The following CNTNAP5 variants were observed in gnomAD, a reference collection of about 807,000 sequenced individuals.
CNTNAP5 encodes contactin associated protein family member 5.
A neutral mutation model predicts 150.2 loss-of-function variants in CNTNAP5; 72 were observed. That is an observed-to-expected ratio of 0.48 (90% CI 0.40 to 0.58). The LOEUF (loss-of-function observed/expected upper bound fraction) is 0.58. CNTNAP5 is among the 20% of genes least tolerant of loss of function. The pLI is 0.00. For synonymous variants in CNTNAP5, 672 were observed against 619.8 expected (o/e 1.08, Z -1.25); for missense variants, 1,636 against 1,626.2 (o/e 1.01, Z -0.10).
At chr2:124,288,533 T>G (rs1054674468) in intron 3 of CNTNAP5, among the ~76,000 whole-genome samples, 1 of 152,202 alleles carries the variant, frequency 6.6e-6, no homozygotes, top group Admixed American at 6.5e-5. Context: ...TATTTTCTCT[T>G]GGTGTCATGG....
At chr2:124,636,839 C>G (rs144001218) in intron 12 of CNTNAP5, among the ~76,000 whole-genome samples, 163 of 151,934 alleles carry the variant, frequency 1.1e-3, no homozygotes, top group South Asian at 2.1e-3. Flanking sequence ...TAATGAGTAG[C>G]CAGATACCCT....
At chr2:124,816,264 C>T (rs1682358873) in intron 19 of CNTNAP5, among the ~76,000 whole-genome samples, 1 of 152,120 alleles carries the variant, frequency 6.6e-6, no homozygotes, top group Admixed American at 6.5e-5. Context: ...GGCTCACAGG[C>T]TACAATCAAG....
At chr2:124,448,588 G>A (rs1692887027) in intron 6 of CNTNAP5, among the ~76,000 whole-genome samples, 1 of 152,098 alleles carries the variant, frequency 6.6e-6, no homozygotes. Flanking sequence ...CTGCTTTATT[G>A]TTTTGTGCAT....
chr2:124,357,858 C>T (rs1482275715), intron 3 of CNTNAP5, among the ~76,000 whole-genome samples: 4 of 149,854 alleles, frequency 2.7e-5, no homozygotes, highest in Non-Finnish European at 5.9e-5. Flanking sequence ...TCATTGGTAG[C>T]TTGATGGGGA....
chr2:124,849,505 T>C (rs1573659142), intron 19 of CNTNAP5, among the ~76,000 whole-genome samples: 1 of 152,200 alleles, frequency 6.6e-6, no homozygotes, highest in East Asian at 1.9e-4. Flanking sequence ...CAAAATTCCT[T>C]TTGCTATTTG....
intron 3 of CNTNAP5, among the ~76,000 whole-genome samples, chr2:124,410,787 A>C (rs1691735315): frequency 6.6e-6 from 1 of 150,840 alleles, no homozygotes; most frequent in Admixed American, 6.6e-5. Flanking sequence ...GGAAAGATCC[A>C]AAATTGACAC....
At chr2:124,695,313 A>G (rs188209065) in intron 13 of CNTNAP5, among the ~76,000 whole-genome samples, 1 of 152,308 alleles carries the variant, frequency 6.6e-6, no homozygotes, top group Admixed American at 6.5e-5. Context: ...TGTGAAATGC[A>G]GTCAAAGGAC....
intron 3 of CNTNAP5, among the ~76,000 whole-genome samples, chr2:124,395,865 T>C (rs1399960714): frequency 2.0e-5 from 3 of 152,106 alleles, no homozygotes; most frequent in African/African-American, 7.2e-5. Flanking sequence ...GTTGGGCAAA[T>C]GCTAGAACAG....
rs951228763 is a variant in CNTNAP5 at position 124,635,187 on chromosome 2, C to T, written c.1877-12571C>T. Among the ~76,000 whole-genome samples the T allele has an allele frequency of 4.6e-5, 7 of 152,042 alleles. No individual in the cohort carries two copies. The East Asian group carries it at 7.7e-4, about 17-fold the overall frequency. ...GGGGAGGCCTCGGGAAACTTTCAAT[C>T]GTAATGGAAAGTGAATGAAAAGCAG... is the stretch of plus-strand genomic sequence containing the variant. On this transcript the variant is annotated intron_variant, in intron 12 of 23. Transcript: ENST00000682447.
intron 19 of CNTNAP5, among the ~76,000 whole-genome samples, chr2:124,842,568 C>A (rs1467239659): frequency 6.6e-6 from 1 of 152,120 alleles, no homozygotes; most frequent in Non-Finnish European, 1.5e-5. Flanking sequence ...GACTCTTTTT[C>A]TATGCAAATG....
intron 1 of CNTNAP5, among the ~76,000 whole-genome samples, chr2:124,187,397 C>G (rs1233321442): frequency 1.3e-5 from 2 of 152,048 alleles, no homozygotes; most frequent in African/African-American, 2.4e-5. Flanking sequence ...GTGGTTAGAT[C>G]CAGAAGCATA....
At chr2:124,498,589 A>G (rs1372310761) in intron 7 of CNTNAP5, among the ~76,000 whole-genome samples, 1 of 152,196 alleles carries the variant, frequency 6.6e-6, no homozygotes, top group Non-Finnish European at 1.5e-5. Flanking sequence ...GATGTGAGCT[A>G]CCACGCTTGG....
At chr2:124,416,626 G>T (rs1691923202) in intron 3 of CNTNAP5, among the ~76,000 whole-genome samples, 1 of 152,106 alleles carries the variant, frequency 6.6e-6, no homozygotes. Flanking sequence ...CTAGCCAATT[G>T]GGTGATTTGG....
intron 22 of CNTNAP5, among the ~76,000 whole-genome samples, chr2:124,909,926 A>G (rs1050689330): frequency 6.8e-6 from 1 of 147,866 alleles, no homozygotes; most frequent in African/African-American, 2.5e-5. Flanking sequence ...AATAATATCA[A>G]TTTCCAACTC....
intron 2 of CNTNAP5, among the ~76,000 whole-genome samples, chr2:124,232,248 C>A (rs1686641395): frequency 6.6e-6 from 1 of 152,152 alleles, no homozygotes; most frequent in South Asian, 2.1e-4. Context: ...CAGTTTATAA[C>A]AGCAATTTAC....
intron 3 of CNTNAP5, among the ~76,000 whole-genome samples, chr2:124,302,040 A>G (rs538476132): frequency 6.6e-6 from 1 of 152,304 alleles, no homozygotes; most frequent in Admixed American, 6.5e-5. Flanking sequence ...AAGATGGCAT[A>G]CACAGAGGAA....
At chr2:124,271,675 A>G (rs914850850) in intron 3 of CNTNAP5, among the ~76,000 whole-genome samples, 1 of 118,616 alleles carries the variant, frequency 8.4e-6, no homozygotes, top group South Asian at 3.1e-4. Flanking sequence ...CTATCTATCT[A>G]TCTATCTATC....
At chr2:124,641,510 A>G (rs1190131922) in intron 12 of CNTNAP5, among the ~76,000 whole-genome samples, 2 of 152,250 alleles carry the variant, frequency 1.3e-5, no homozygotes, top group Admixed American at 1.3e-4. Flanking sequence ...ATGCAAAATG[A>G]CAAGAGATAT....
intron 22 of CNTNAP5, among the ~76,000 whole-genome samples, chr2:124,904,940 A>G (rs1409741231): frequency 6.6e-6 from 1 of 151,410 alleles, no homozygotes; most frequent in Non-Finnish European, 1.5e-5. Context: ...CAAAAGGAAA[A>G]GGCAATCTAC....
Sources: gnomAD v4.1 joint callset for allele counts (sites outside exome capture counted in the v4.1 genomes callset) on GRCh38, gnomAD v4.1.1 for gene constraint, MANE v1.5 for transcripts, NCBI Gene and HGNC (gene_info 2026-07-23, HGNC 2026-07-21) for gene names.